Variants in CECR2 observed in about 807,000 individuals in gnomAD.
CECR2 encodes CECR2 histone acetyl-lysine reader, also known as chromatin remodeling regulator CECR2.
In CECR2, 30 loss-of-function variants were observed where a neutral mutation model predicts 154.5. The observed-to-expected ratio is 0.19, with a 90% CI of 0.15 to 0.26. The LOEUF (loss-of-function observed/expected upper bound fraction) is 0.26, where lower values mean the gene tolerates loss of function less well. Ranked by LOEUF, CECR2 falls within the 10% of genes least tolerant of loss-of-function variation. CECR2 has a pLI of 1.00. For synonymous variants in CECR2, 725 were observed against 683.7 expected (o/e 1.06, Z -0.94); for missense variants, 1,743 against 1,829.3 (o/e 0.95, Z 0.86).
chr22:17,457,089 C>T (rs1421956248), intron 1 of CECR2, among the ~76,000 whole-genome samples: 1 of 152,230 alleles, frequency 6.6e-6, no homozygotes, highest in Non-Finnish European at 1.5e-5. Flanking sequence ...TGCAGTGGCA[C>T]TATCTCTGTT....
At chr22:17,412,701 A>C (rs2054085187) in intron 1 of CECR2, among the ~76,000 whole-genome samples, 1 of 152,114 alleles carries the variant, frequency 6.6e-6, no homozygotes, top group Admixed American at 6.5e-5. Flanking sequence ...GCCTGCCTGG[A>C]AAGCTCTTTG....
At chr22:17,521,524 C>CA (rs695285) in intron 8 of CECR2, among the ~76,000 whole-genome samples, 74 of 142,346 alleles carry the variant, frequency 5.2e-4, no homozygotes, top group Admixed American at 2.1e-3. Context: ...GACTCCATCT[C>CA]AAAAAAAAAA....
intron 1 of CECR2, among the ~76,000 whole-genome samples, chr22:17,469,379 C>T (rs142521959): frequency 1.8e-4 from 27 of 152,266 alleles, no homozygotes; most frequent in African/African-American, 6.5e-4. Flanking sequence ...CAACACACAC[C>T]ACCCTTCTAA....
intron 16 of CECR2, among the ~76,000 whole-genome samples, chr22:17,545,839 T>C (rs1379922642): frequency 1.5e-5 from 2 of 130,046 alleles, no homozygotes; most frequent in African/African-American, 3.1e-5. Context: ...CAAGACTCCG[T>C]CTCAAAAAAA....
intron 1 of CECR2, among the ~76,000 whole-genome samples, chr22:17,437,258 TCTC>T (rs1229836505): frequency 1.3e-5 from 2 of 152,146 alleles, no homozygotes; most frequent in Middle Eastern, 6.8e-3. Context: ...GACGTCTCCA[TCTC>T]CTCATCCCCT....
intron 1 of CECR2, among the ~76,000 whole-genome samples, chr22:17,406,334 A>G (rs8140260): frequency 0.54 from 82,713 of 152,010 alleles, 23,697 homozygotes; most frequent in Non-Finnish European, 0.65. Context: ...CAGCCTGGCC[A>G]ACATGACGAA....
At chr22:17,525,560 C>G (rs181115436) in intron 9 of CECR2, among the ~76,000 whole-genome samples, 1 of 152,074 alleles carries the variant, frequency 6.6e-6, no homozygotes, top group Non-Finnish European at 1.5e-5. Context: ...GAGCCGAGAT[C>G]GTGCTACTGC....
Position 17,541,943 on chromosome 22 carries a change from G to T in CECR2, c.1989G>T (p.Gln663His). 1 of 1,613,846 alleles carries T rather than the reference G, an allele frequency of 6.2e-7. No homozygotes were observed. Among genetic ancestry groups the T allele is most frequent in the Non-Finnish European group, 8.5e-7 (1 of 1,179,820 alleles). Residue 663 changes from glutamine to histidine, a missense_variant, in exon 15 of 19, where the codon CAG (glutamine) becomes CAT (histidine). Coordinates refer to ENST00000262608, the MANE Select transcript of CECR2 (RefSeq NM_001290047.2). ...VPEPHPGEPV[Q>H]QRQPFTMQPP... The stretch of plus-strand genomic sequence containing the variant: ...AGCCACACCCCGGGGAGCCTGTGCA[G>T]CAGCGTCAGCCTTTCACCATGCAGG...
intron 14 of CECR2, 134 bp downstream of exon 14, chr22:17,540,934 GTTCATGTGAT>G: frequency 4.0e-6 from 4 of 994,402 alleles, no homozygotes; most frequent in Non-Finnish European, 4.2e-6. Flanking sequence ...TGAGTCCTTT[GTTCATGTGAT>G]TTTATTTTGT....
chr22:17,500,878 T>C, intron 5 of CECR2, 143 bp downstream of exon 5: 1 of 619,620 alleles, frequency 1.6e-6, no homozygotes, highest in Non-Finnish European at 2.8e-6. Context: ...AATTACCACA[T>C]GTGCAGTACA....
At chr22:17,491,166 G>T (rs1304412119) in intron 2 of CECR2, among the ~76,000 whole-genome samples, 1 of 152,108 alleles carries the variant, frequency 6.6e-6, no homozygotes, top group Non-Finnish European at 1.5e-5. Flanking sequence ...GAATTCTGCC[G>T]CTTTGAACAT....
Position 17,553,061 on chromosome 22 carries a change from T to C in CECR2, c.*221T>C, listed in dbSNP as rs1257439974. 1.8e-5 allele frequency: 19 copies of C among 1,072,482 alleles called. No homozygotes were observed. Among genetic ancestry groups the C allele is most frequent in the Non-Finnish European group, 2.2e-5 (18 of 814,802 alleles). The allele number at this position is 1,072,482 out of a possible 1,614,324, so 66.4% of individuals were successfully genotyped here. On this transcript the variant is annotated 3_prime_UTR_variant, in exon 19 of 19. Coordinates refer to ENST00000262608, the MANE Select transcript of CECR2 (RefSeq NM_001290047.2). Reference sequence around the variant, plus strand: ...GCAAAGGTCCTCGGCCAGGGATCTCTTGCACAGCTGATGTAGACAGTCAGG... The same window carrying C: ...GCAAAGGTCCTCGGCCAGGGATCTCCTGCACAGCTGATGTAGACAGTCAGG...
chr22:17,542,816 C>T lies in CECR2; in HGVS notation c.2673C>T (p.Leu891=), dbSNP rs755327821. The change falls in exon 16 of 19, where the codon CTC becomes CTT. Residue 891 remains leucine, a synonymous_variant. Transcript: ENST00000262608. ...CAGAGATGATTGCGATGCAGCAGCT[C>T]TCCTCCCGCGTCTGCCCCCCAGGTG... is the stretch of plus-strand genomic sequence containing the variant. ...DSPEMIAMQQ[L]SSRVCPPGVP... The T allele has an allele frequency of 3.5e-5, 56 of 1,613,814 alleles. No individual in the cohort carries two copies. Among genetic ancestry groups the T allele is most frequent in the Non-Finnish European group, 4.2e-5 (50 of 1,179,862 alleles).
chr22:17,542,160 C>A lies in CECR2; in HGVS notation c.2017C>A (p.Pro673Thr). Residue 673 changes from proline (P) to threonine (T), a missense_variant, in exon 16 of 19, where the codon CCA becomes ACA. Coordinates refer to ENST00000262608, the MANE Select transcript of CECR2 (RefSeq NM_001290047.2). ...QQRQPFTMQP[P>T]VGINSLRGPR... ...TGCTGCCTTTTCTCGTTGCCAGCCT[C>A]CAGTTGGAATTAACAGCCTCCGAGG... is the stretch of plus-strand genomic sequence containing the variant. 6.2e-7 allele frequency: 1 copy of A among 1,608,624 alleles called. No individual in the cohort carries two copies. Among genetic ancestry groups the A allele is most frequent in the Non-Finnish European group, 8.5e-7 (1 of 1,175,862 alleles).
chr22:17,421,647 G>A (rs1484802585), intron 1 of CECR2, among the ~76,000 whole-genome samples: 194 of 111,212 alleles, frequency 1.7e-3, no homozygotes, highest in African/African-American at 6.8e-3. Flanking sequence ...AAAAAAATTA[G>A]CCAGGCATGG....
rs1406128309 is a variant in CECR2, at chr22:17,443,849, T to C, written c.127-33739T>C. Reference sequence around the variant, plus strand: ...AGCTGAGGGGAGACATAAAAGTTGATAGAGGCACGGAGATTCAGACTGGGA... The same window carrying C: ...AGCTGAGGGGAGACATAAAAGTTGACAGAGGCACGGAGATTCAGACTGGGA... On this transcript the variant is annotated intron_variant, in intron 1 of 18. Coordinates refer to ENST00000262608, the MANE Select transcript of CECR2 (RefSeq NM_001290047.2). 2.0e-5 allele frequency among the ~76,000 whole-genome samples: 3 copies of C among 152,122 alleles called. No homozygotes were observed. In the East Asian group the frequency reaches 5.8e-4, roughly 29 times the overall value.
chr22:17,419,062 T>A (rs964603472), intron 1 of CECR2: 1 of 157,806 alleles, frequency 6.3e-6, no homozygotes, highest in African/African-American at 2.4e-5. Context: ...GCGGATGACG[T>A]GGCTGTCCTG....
chr22:17,370,683 C>A (rs1422328194), intron 1 of CECR2, among the ~76,000 whole-genome samples: 1 of 152,188 alleles, frequency 6.6e-6, no homozygotes, highest in Non-Finnish European at 1.5e-5. Context: ...GTTTTCCAGC[C>A]CGGGGCTTTG....
intron 7 of CECR2, among the ~76,000 whole-genome samples, chr22:17,510,705 A>G (rs975218775): frequency 1.3e-5 from 2 of 152,066 alleles, no homozygotes; most frequent in South Asian, 4.2e-4. Flanking sequence ...AGGTTCAAGC[A>G]ATTCTCCTGT....
Sources: allele counts gnomAD v4.1 joint callset (sites outside exome capture counted in the v4.1 genomes callset), GRCh38; gene constraint gnomAD v4.1.1; transcripts MANE v1.5; gene names NCBI Gene and HGNC (gene_info 2026-07-23, HGNC 2026-07-21).